The following GNG4 variants were observed in gnomAD, a reference collection of about 807,000 sequenced individuals.
GNG4 encodes the protein guanine nucleotide-binding protein G(I)/G(S)/G(O) subunit gamma-4.
In GNG4, 4 loss-of-function variants were observed where a neutral mutation model predicts 5.8. The ratio of observed to expected loss-of-function variants is 0.69; its 90% CI spans 0.34 to 1.57. The LOEUF is 1.57. Ranked by LOEUF, GNG4 falls within the 40% of genes most tolerant of loss-of-function variation. GNG4 has a pLI of 0.06. For missense variants in GNG4, 96 were observed against 95.1 expected (o/e 1.01, Z -0.04); for synonymous variants, 29 against 32.9 (o/e 0.88, Z 0.41).
intron 2 of GNG4, among the ~76,000 whole-genome samples, chr1:235,592,826 G>A (rs962971748): frequency 5.3e-5 from 8 of 152,256 alleles, no homozygotes; most frequent in Middle Eastern, 3.4e-3. Context: ...AGCATGAGCC[G>A]CCGGGTCCTC....
intron 1 of GNG4, among the ~76,000 whole-genome samples, chr1:235,636,549 A>C (rs1015704883): frequency 6.6e-6 from 1 of 152,066 alleles, no homozygotes; most frequent in Middle Eastern, 3.4e-3. Context: ...CCACGCTGAG[A>C]CCTCCCATCA....
At chr1:235,567,439 ACT>A (rs1687227585) in intron 3 of GNG4, among the ~76,000 whole-genome samples, 1 of 151,898 alleles carries the variant, frequency 6.6e-6, no homozygotes, top group Non-Finnish European at 1.5e-5. Context: ...CAAAACTGAA[ACT>A]CTGTTTCCAT....
At chr1:235,607,173 C>T (rs1449090242) in intron 1 of GNG4, among the ~76,000 whole-genome samples, 1 of 152,022 alleles carries the variant, frequency 6.6e-6, no homozygotes, top group Non-Finnish European at 1.5e-5. Context: ...TCTTGAACTC[C>T]TGACCTCAAA....
At chr1:235,554,938 T>C (rs990884633) in intron 3 of GNG4, among the ~76,000 whole-genome samples, 11 of 152,182 alleles carry the variant, frequency 7.2e-5, no homozygotes, top group South Asian at 4.1e-4. Flanking sequence ...TTCATTTTTT[T>C]TGGACATGCT....
At chr1:235,592,053 G>A (rs1446706064) in intron 2 of GNG4, among the ~76,000 whole-genome samples, 1 of 152,218 alleles carries the variant, frequency 6.6e-6, no homozygotes, top group African/African-American at 2.4e-5. Flanking sequence ...AGAATTACGA[G>A]ATGTTTGGTT....
chr1:235,585,884 T>C (rs1687747566), intron 2 of GNG4, among the ~76,000 whole-genome samples: 3 of 152,240 alleles, frequency 2.0e-5, no homozygotes, highest in South Asian at 4.1e-4. Flanking sequence ...TCTTAAGTAA[T>C]AAATTAAGTC....
rs1278092841 is a variant in GNG4 at position 235,644,277 on chromosome 1, C to T, written c.-123+5385G>A. Among the ~76,000 whole-genome samples, 1 of 152,254 alleles carries T rather than the reference C, an allele frequency of 6.6e-6. No homozygotes were observed. Among genetic ancestry groups the T allele is most frequent in the Non-Finnish European group, 1.5e-5 (1 of 68,046 alleles). On this transcript the variant is annotated intron_variant, in intron 1 of 3. Transcript: ENST00000391854. This position sits in a 1 kb window ranked among gnomAD's most constrained non-coding sequence, Gnocchi z 5.9. ...AAGGCCTTGCCCTGGACCTACACCT[C>T]ACCCTGTTCCAGAGAGAATTCAGTG...
chr1:235,637,088 G>A, intron 1 of GNG4, among the ~76,000 whole-genome samples: 1 of 151,290 alleles, frequency 6.6e-6, no homozygotes, highest in East Asian at 2.0e-4. Flanking sequence ...CTGCCTCCTG[G>A]CATTTCTGTA....
intron 1 of GNG4, among the ~76,000 whole-genome samples, chr1:235,613,001 T>C (rs1237249133): frequency 6.6e-6 from 1 of 151,950 alleles, no homozygotes; most frequent in African/African-American, 2.4e-5. Flanking sequence ...GCTTCTTTTA[T>C]AAGGGCACAA....
At chr1:235,567,864 T>C (rs1273841895) in intron 3 of GNG4, among the ~76,000 whole-genome samples, 1 of 152,172 alleles carries the variant, frequency 6.6e-6, no homozygotes, top group East Asian at 1.9e-4. Context: ...CCCATTTCTA[T>C]AATATTGATT....
intron 1 of GNG4, among the ~76,000 whole-genome samples, chr1:235,603,107 G>A (rs1688289897): frequency 6.6e-6 from 1 of 152,076 alleles, no homozygotes; most frequent in African/African-American, 2.4e-5. Flanking sequence ...GCCAGGTGTG[G>A]TGGCAGGTGC....
intron 1 of GNG4, among the ~76,000 whole-genome samples, chr1:235,600,091 G>A (rs748099560): frequency 8.9e-4 from 100 of 112,884 alleles, no homozygotes; most frequent in East Asian, 3.4e-3. Flanking sequence ...ATCTGGTTGC[G>A]GAAGAAAGCT....
rs563732985 is a variant in GNG4 at position 235,636,439 on chromosome 1, G to A, written c.-123+13223C>T. 2.0e-4 allele frequency among the ~76,000 whole-genome samples: 31 copies of A among 152,250 alleles called. 1 individual carries two copies. Among genetic ancestry groups the A allele is most frequent in the African/African-American group, 7.5e-4 (31 of 41,546 alleles). On this transcript the variant is annotated intron_variant, in intron 1 of 3. Transcript: ENST00000391854. ...AAGGTCTAGGGGAGCCCCGTGTAGA[G>A]GAGAGCAGCTGGCACTGAGCAGCAG...
chr1:235,559,860 GAA>G (rs1687013833), intron 3 of GNG4, among the ~76,000 whole-genome samples: 2 of 152,324 alleles, frequency 1.3e-5, no homozygotes, highest in South Asian at 4.1e-4. Context: ...TAAGATGCTT[GAA>G]AGAGAGTTGT....
chr1:235,581,105 T>C (rs1418246369), intron 3 of GNG4, among the ~76,000 whole-genome samples: 1 of 152,154 alleles, frequency 6.6e-6, no homozygotes, highest in African/African-American at 2.4e-5. Context: ...TTTGGATCTG[T>C]GTCTCTGCCC....
chr1:235,632,382 C>T (rs764439376), intron 1 of GNG4, among the ~76,000 whole-genome samples: 13 of 152,144 alleles, frequency 8.5e-5, no homozygotes, highest in Non-Finnish European at 2.9e-5. Flanking sequence ...CCACTGCACC[C>T]GGCCAACATG....
At position 235,614,246 on chromosome 1, in the gene GNG4, T is replaced by C. The variant is rs534308629; in HGVS notation, c.-122-18735A>G. Among the ~76,000 whole-genome samples, 7 of 152,350 alleles carry C rather than the reference T, an allele frequency of 4.6e-5. No individual in the cohort carries two copies. In the South Asian group the frequency reaches 1.5e-3, roughly 32 times the overall value. On this transcript the variant is annotated intron_variant, in intron 1 of 3. Coordinates refer to ENST00000391854, the MANE Select transcript of GNG4 (RefSeq NM_001098722.2). ...CCTTTTTATGTATGTAGGTCTGTAG[T>C]GATGTTCCGTCTTTCATTTCTGATA...
chr1:235,640,740 C>G (rs531931801), intron 1 of GNG4, among the ~76,000 whole-genome samples: 1 of 152,236 alleles, frequency 6.6e-6, no homozygotes, highest in Non-Finnish European at 1.5e-5. Context: ...TCCAGCCTCT[C>G]GGGGCCACCA....
intron 3 of GNG4, among the ~76,000 whole-genome samples, chr1:235,557,314 G>A (rs1324909881): frequency 1.3e-5 from 2 of 152,104 alleles, no homozygotes; most frequent in Non-Finnish European, 2.9e-5. Context: ...CAGTGCACAC[G>A]AGGAGAGATC....
Sources: allele counts gnomAD v4.1 joint callset (sites outside exome capture counted in the v4.1 genomes callset), GRCh38; gene constraint gnomAD v4.1.1; non-coding constraint Gnocchi (gnomAD v3.1); transcripts MANE v1.5; gene names NCBI Gene and HGNC (gene_info 2026-07-23, HGNC 2026-07-21).